The following HSPA4 variants were observed in gnomAD, a reference collection of about 807,000 sequenced individuals.
HSPA4 encodes heat shock protein family A (Hsp70) member 4.
In HSPA4, 25 loss-of-function variants were observed where a neutral mutation model predicts 106.2. The observed-to-expected ratio is 0.24, with a 90% CI of 0.17 to 0.33. The LOEUF is 0.33. HSPA4 is among the 10% of genes least tolerant of loss of function. The pLI, the probability that HSPA4 is intolerant of heterozygous loss-of-function variation, is 1.00. For synonymous variants in HSPA4, 332 were observed against 333.6 expected, an observed-to-expected ratio of 1.00 and a Z score of 0.05; for missense variants, 841 against 996.0, an observed-to-expected ratio of 0.84 and a Z score of 2.10.
chr5:133,081,316 G>A (rs1765512727), intron 7 of HSPA4, among the ~76,000 whole-genome samples: 1 of 152,144 alleles, frequency 6.6e-6, no homozygotes, highest in Non-Finnish European at 1.5e-5. Context: ...TCAAAGTGCG[G>A]GGATTATAAG....
chr5:133,073,777 T>C (rs1025029167), intron 5 of HSPA4, among the ~76,000 whole-genome samples: 2 of 152,224 alleles, frequency 1.3e-5, no homozygotes, highest in East Asian at 1.9e-4. Flanking sequence ...CCAAAGTCCA[T>C]TGGCAACTGT....
intron 2 of HSPA4, among the ~76,000 whole-genome samples, chr5:133,066,471 C>G (rs935185066): frequency 6.6e-5 from 10 of 152,182 alleles, no homozygotes; most frequent in African/African-American, 2.4e-4. Context: ...GTGTAAGTCA[C>G]CTGTTCAACC....
At position 133,095,107 on chromosome 5, in the gene HSPA4, C is replaced by T. The variant is rs528482304; in HGVS notation, c.1651-991C>T. On this transcript the variant is annotated intron_variant, in intron 13 of 18. Coordinates refer to ENST00000304858, the MANE Select transcript of HSPA4 (RefSeq NM_002154.4). ...AGCGGATCACCTAAGGTCAGGAGTT[C>T]GAGACCAGCCTAGCCAACATGGTGA... Among the ~76,000 whole-genome samples the T allele has an allele frequency of 6.0e-4, 91 of 152,154 alleles. 2 individuals carry two copies. Among genetic ancestry groups the T allele is most frequent in the East Asian group, 9.7e-4 (5 of 5,172 alleles).
chr5:133,096,453 C>T (rs544468259), intron 14 of HSPA4, among the ~76,000 whole-genome samples: 1 of 152,264 alleles, frequency 6.6e-6, no homozygotes, highest in South Asian at 2.1e-4. Context: ...ACTAAGATGT[C>T]TGTATTGCTA....
At position 133,096,188 on chromosome 5, in the gene HSPA4, A is replaced by G. The variant is rs377188604; in HGVS notation, c.1741A>G (p.Ile581Val). The G allele has an allele frequency of 6.4e-5, 103 of 1,613,902 alleles. 1 individual carries two copies. Among genetic ancestry groups the G allele is most frequent in the East Asian group, 8.9e-5 (4 of 44,878 alleles). Residue 581 changes from isoleucine (I) to valine (V), a missense_variant, in exon 14 of 19, where the codon ATC becomes GTC. Ile to Val is a conservative substitution (Grantham distance 29, BLOSUM62 3). Coordinates refer to ENST00000304858, the MANE Select transcript of HSPA4 (RefSeq NM_002154.4). The part of the protein sequence containing the change: ...KVKTSTVDLP[I>V]ENQLLWQIDR... ...GAAGACCAGTACTGTGGACCTGCCA[A>G]TCGAGAATCAGCTATTATGGCAGAT...
chr5:133,055,115 G>C (rs1422913299), intron 1 of HSPA4, among the ~76,000 whole-genome samples: 2 of 152,016 alleles, frequency 1.3e-5, no homozygotes, highest in Non-Finnish European at 2.9e-5. Flanking sequence ...CATACACCAC[G>C]GAATTGTGAT....
chr5:133,095,956 G>T, intron 13 of HSPA4, 142 bp from the exon 14 acceptor site: 1 of 594,806 alleles, frequency 1.7e-6, no homozygotes, highest in Non-Finnish European at 2.9e-6. Context: ...TTTTCTAGAT[G>T]TTATGGTAGT....
rs1326928169 is a variant in HSPA4, at chr5:133,067,351, T to C, written c.166-66T>C. ...AAGTTAAAATGTTGCTAATTTAATCTGAGGCTGTTGAAATAAAAAAAAAAT... is the reference window on the plus strand; with the variant it reads ...AAGTTAAAATGTTGCTAATTTAATCCGAGGCTGTTGAAATAAAAAAAAAAT... On this transcript the variant is annotated intron_variant, in intron 2 of 18. Coordinates refer to ENST00000304858, the MANE Select transcript of HSPA4 (RefSeq NM_002154.4). The C allele has an allele frequency of 3.8e-6, 5 of 1,325,714 alleles. No individual in the cohort carries two copies. The African/African-American group carries it at 6.2e-5, about 16-fold the overall frequency. The allele number at this position is 1,325,714 out of a possible 1,614,324, so 82.1% of individuals were successfully genotyped here.
chr5:133,075,642 A>G (rs575294644), intron 6 of HSPA4, among the ~76,000 whole-genome samples: 48 of 152,102 alleles, frequency 3.2e-4, no homozygotes, highest in African/African-American at 1.1e-3. Context: ...AGCCTGGGCA[A>G]CATGGCAAAA....
At chr5:133,101,604 T>C (rs1765785577) in intron 16 of HSPA4, 155 bp from the exon 17 acceptor site, 1 of 646,504 alleles carries the variant, frequency 1.5e-6, no homozygotes, top group Non-Finnish European at 2.6e-6. Context: ...ATTCCCCTCC[T>C]GAAGTAGCTT....
At chr5:133,080,273 G>A (rs1765497751) in intron 7 of HSPA4, among the ~76,000 whole-genome samples, 1 of 151,862 alleles carries the variant, frequency 6.6e-6, no homozygotes, top group African/African-American at 2.4e-5. Context: ...AAAGTAGCTT[G>A]ATGTGGTGGT....
intron 15 of HSPA4, 128 bp from the exon 16 acceptor site, chr5:133,099,417 G>A (rs141288891): frequency 0.015 from 6,013 of 410,462 alleles, 70 homozygotes; most frequent in Non-Finnish European, 0.02. Flanking sequence ...ACAAGTGTGA[G>A]CCACTGCACC....
intron 1 of HSPA4, chr5:133,052,657 C>T (rs2126688858): frequency 2.7e-6 from 1 of 369,652 alleles, no homozygotes; most frequent in East Asian, 4.6e-5. Flanking sequence ...GACTGCAGGC[C>T]TAGGATGTAA....
At chr5:133,058,365 AGT>A (rs1277139461) in intron 1 of HSPA4, among the ~76,000 whole-genome samples, 1 of 152,132 alleles carries the variant, frequency 6.6e-6, no homozygotes, top group Non-Finnish European at 1.5e-5. Context: ...TGGGCAACAG[AGT>A]GAGAACCATC....
chr5:133,086,888 C>A, intron 8 of HSPA4, 30 bp downstream of exon 8: 1 of 1,462,330 alleles, frequency 6.8e-7, no homozygotes, highest in East Asian at 2.3e-5. Context: ...AATTTGTTTG[C>A]GTATCTCAGA....
chr5:133,072,977 C>T (rs1019510053), intron 4 of HSPA4, among the ~76,000 whole-genome samples: 1 of 152,156 alleles, frequency 6.6e-6, no homozygotes, highest in Non-Finnish European at 1.5e-5. Flanking sequence ...TTTATATTAA[C>T]TCTTCTCTGC....
chr5:133,067,294 A>T, intron 2 of HSPA4, 123 bp from the exon 3 acceptor site: 1 of 822,938 alleles, frequency 1.2e-6, no homozygotes, highest in Non-Finnish European at 1.9e-6. Flanking sequence ...TAGGGTCTGA[A>T]GAAACCAAAA....
intron 16 of HSPA4, 74 bp downstream of exon 16, chr5:133,099,726 G>T (rs1765761742): frequency 7.4e-6 from 5 of 676,802 alleles, no homozygotes; most frequent in Non-Finnish European, 1.3e-5. Flanking sequence ...AATTTGGGAG[G>T]AATTCTCAAG....
intron 1 of HSPA4, among the ~76,000 whole-genome samples, chr5:133,055,307 A>ATTTTTTTTTTTTTTTTTTTTTTTT (rs397999293): frequency 3.3e-5 from 2 of 60,106 alleles, no homozygotes; most frequent in South Asian, 7.1e-4. Flanking sequence ...AGGAAGGTTG[A>ATTTTTTTTTTTTTTTTTTTTTTTT]TTTTTTTTTT....
Sources: gnomAD v4.1 joint callset for allele counts (sites outside exome capture counted in the v4.1 genomes callset) on GRCh38, gnomAD v4.1.1 for gene constraint, MANE v1.5 for transcripts, NCBI Gene and HGNC (gene_info 2026-07-23, HGNC 2026-07-21) for gene names.